Variants in GID4 observed in about 807,000 individuals in gnomAD.
The protein encoded by GID4 is GID complex subunit 4 homolog, also known as glucose-induced degradation protein 4 homolog.
Under a neutral mutation model 32.4 loss-of-function variants are expected in GID4, and 7 were observed. The observed-to-expected ratio is 0.22, with a 90% CI of 0.12 to 0.41. The LOEUF (loss-of-function observed/expected upper bound fraction) is 0.41. Ranked by LOEUF, GID4 falls within the 10% of genes least tolerant of loss-of-function variation. GID4 has a pLI of 1.00. For missense variants in GID4, 309 were observed against 400.0 expected (o/e 0.77, Z 1.94); for synonymous variants, 166 against 170.0 (o/e 0.98, Z 0.18).
rs2044940633 is a variant in GID4, at chr17:18,054,062, C to G, written c.499-65C>G. Reference sequence around the variant, plus strand: ...AGAAGTTAAAGCAAAGTTTATTTTTCCTTTGTACAAAGGTTAAAAACTCTC... The same window carrying G: ...AGAAGTTAAAGCAAAGTTTATTTTTGCTTTGTACAAAGGTTAAAAACTCTC... On this transcript the variant is annotated intron_variant, in intron 2 of 5. Transcript: ENST00000268719. The G allele has an allele frequency of 4.6e-6, 4 of 860,424 alleles. No individual in the cohort carries two copies. In the Admixed American group the frequency reaches 8.7e-5, roughly 19 times the overall value. The allele number at this position is 860,424 out of a possible 1,614,324, so 53.3% of individuals were successfully genotyped here.
chr17:18,045,050 C>A, intron 1 of GID4, 97 bp from the exon 2 acceptor site: 1 of 893,394 alleles, frequency 1.1e-6, no homozygotes, highest in Non-Finnish European at 1.8e-6. Context: ...TGTTCACTGA[C>A]CACCAGTCTG....
intron 2 of GID4, among the ~76,000 whole-genome samples, chr17:18,053,244 C>G (rs1405075549): frequency 6.7e-6 from 1 of 149,734 alleles, no homozygotes; most frequent in African/African-American, 2.4e-5. Flanking sequence ...AACTCCTGAC[C>G]TCAGGTGATC....
intron 4 of GID4, among the ~76,000 whole-genome samples, chr17:18,059,217 T>C (rs2044997724): frequency 6.6e-6 from 1 of 152,136 alleles, no homozygotes; most frequent in Non-Finnish European, 1.5e-5. Context: ...AGCAAGTGGA[T>C]TTGGGCCTAG....
At chr17:18,046,145 C>T (rs949913582) in intron 2 of GID4, among the ~76,000 whole-genome samples, 1 of 152,176 alleles carries the variant, frequency 6.6e-6, no homozygotes, top group Non-Finnish European at 1.5e-5. Flanking sequence ...GGGCCTCTGG[C>T]CTTTGTCAGC....
rs1290551813 is a variant in GID4, at chr17:18,061,604, C to T, written c.709-241C>T. On this transcript the variant is annotated intron_variant, in intron 4 of 5. Transcript: ENST00000268719. This position sits in a 1 kb window ranked among gnomAD's most constrained non-coding sequence, Gnocchi z 4.4. ...TGGTACCTTCTCTGAATTGCTGATC[C>T]TAGTGAGCTCAAGACACAGTTTGTC... Among the ~76,000 whole-genome samples, 1 of 152,120 alleles carries T rather than the reference C, an allele frequency of 6.6e-6. No individual in the cohort carries two copies. The highest frequency in any genetic ancestry group is 1.9e-4 in the East Asian group (1 of 5,194).
At chr17:18,051,302 G>A (rs181833597) in intron 2 of GID4, among the ~76,000 whole-genome samples, 18 of 152,176 alleles carry the variant, frequency 1.2e-4, no homozygotes. Context: ...CACCAGGCTT[G>A]GCCTTGTATT....
chr17:18,056,530 TCTTC>T (rs1303505416), intron 3 of GID4, among the ~76,000 whole-genome samples: 1 of 152,234 alleles, frequency 6.6e-6, no homozygotes, highest in African/African-American at 2.4e-5. Flanking sequence ...AGTAGAAGGT[TCTTC>T]CTTGTAGTAA....
At chr17:18,060,493 G>C (rs1009308496) in intron 4 of GID4, among the ~76,000 whole-genome samples, 2 of 151,554 alleles carry the variant, frequency 1.3e-5, no homozygotes, top group African/African-American at 4.9e-5. Context: ...GTATGCTCAC[G>C]AGCTTGCCAT....
intron 4 of GID4, among the ~76,000 whole-genome samples, chr17:18,060,990 C>T (rs1352314762): frequency 2.0e-5 from 3 of 152,196 alleles, no homozygotes; most frequent in Admixed American, 2.0e-4. Flanking sequence ...CCACCTCAGC[C>T]TCCCAAAGTG....
At chr17:18,048,763 C>T (rs2044880608) in intron 2 of GID4, among the ~76,000 whole-genome samples, 1 of 151,850 alleles carries the variant, frequency 6.6e-6, no homozygotes, top group African/African-American at 2.4e-5. Context: ...ATGCCTCAGC[C>T]TCCCGAGTAG....
chr17:18,054,293 C>G, intron 3 of GID4, 59 bp downstream of exon 3: 1 of 1,089,888 alleles, frequency 9.2e-7, no homozygotes, highest in Non-Finnish European at 1.4e-6. Context: ...TGAAGAAATG[C>G]TGGGAGCCAG....
intron 3 of GID4, 60 bp from the exon 4 acceptor site, chr17:18,058,808 G>A (rs952673589): frequency 6.4e-6 from 7 of 1,088,086 alleles, no homozygotes; most frequent in Middle Eastern, 2.0e-4. Flanking sequence ...CATAAGCATA[G>A]TTCTGAGAGC....
At chr17:18,041,605 C>G (rs118091632) in intron 1 of GID4, among the ~76,000 whole-genome samples, 1 of 152,164 alleles carries the variant, frequency 6.6e-6, no homozygotes, top group East Asian at 1.9e-4. Context: ...AGGGGTTTTT[C>G]GGTTTGTTTT....
intron 2 of GID4, among the ~76,000 whole-genome samples, chr17:18,048,234 C>A (rs1461452248): frequency 6.6e-6 from 1 of 151,818 alleles, no homozygotes; most frequent in Non-Finnish European, 1.5e-5. Context: ...GAGTCTCAGT[C>A]ACCCAGGCTG....
rs1019267774 is a variant in GID4 at position 18,050,880 on chromosome 17, A to G, written c.499-3247A>G. Among the ~76,000 whole-genome samples the G allele has an allele frequency of 4.6e-5, 7 of 152,170 alleles. No homozygotes were observed. In the East Asian group the frequency reaches 1.2e-3, roughly 25 times the overall value. On this transcript the variant is annotated intron_variant, in intron 2 of 5. Transcript: ENST00000268719. ...ATTTCTCGATATCCTTTCTTCTGAC[A>G]TGGTTTTTCGTCCGCTCTATAAATT...
chr17:18,056,793 C>G, intron 3 of GID4: 3 of 1,550,620 alleles, frequency 1.9e-6, no homozygotes, highest in South Asian at 2.4e-5. Context: ...ACCCTTGGTA[C>G]TGGCATGTGA....
intron 5 of GID4, among the ~76,000 whole-genome samples, chr17:18,062,937 G>T (rs1288561420): frequency 1.3e-5 from 2 of 151,728 alleles, no homozygotes; most frequent in African/African-American, 4.8e-5. Context: ...AGCCAGGCAT[G>T]GTGACAGGCA....
At position 18,065,506 on chromosome 17, in the gene GID4, T is replaced by C. The variant is rs1567590226; in HGVS notation, c.*263T>C. On this transcript the variant is annotated 3_prime_UTR_variant, in exon 6 of 6. Coordinates refer to ENST00000268719, the MANE Select transcript of GID4 (RefSeq NM_024052.5). ...TTTTTAAGCTACCTTAAACGCACTTTTCCTTCCTGCACAGCTAACTTCTAC... is the reference window on the plus strand; with the variant it reads ...TTTTTAAGCTACCTTAAACGCACTTCTCCTTCCTGCACAGCTAACTTCTAC... 8.3e-6 allele frequency: 4 copies of C among 479,268 alleles called. No individual in the cohort carries two copies. The highest frequency in any genetic ancestry group is 1.5e-5 in the Non-Finnish European group (4 of 260,378). The allele number at this position is 479,268 out of a possible 1,614,324, so 29.7% of individuals were successfully genotyped here. A position where few individuals can be genotyped will look rare whatever the true frequency, so the allele number is the denominator to read the frequency against.
chr17:18,060,451 G>A (rs1437190588), intron 4 of GID4, among the ~76,000 whole-genome samples: 3 of 151,428 alleles, frequency 2.0e-5, no homozygotes, highest in Non-Finnish European at 4.4e-5. Context: ...TCTTCCAGTA[G>A]GTTGCCAGAT....
Sources: gnomAD v4.1 joint callset for allele counts (sites outside exome capture counted in the v4.1 genomes callset) on GRCh38, gnomAD v4.1.1 for gene constraint, Gnocchi (gnomAD v3.1) non-coding constraint, MANE v1.5 for transcripts, NCBI Gene and HGNC (gene_info 2026-07-23, HGNC 2026-07-21) for gene names.